Variants in ATF7 observed in about 807,000 individuals in gnomAD.
The protein encoded by ATF7 is cyclic AMP-dependent transcription factor ATF-7.
Under a neutral mutation model 50.4 loss-of-function variants are expected in ATF7, and 10 were observed. That is an observed-to-expected ratio of 0.20 (90% CI 0.12 to 0.34). The LOEUF (loss-of-function observed/expected upper bound fraction) is 0.34, where lower values mean the gene tolerates loss of function less well. ATF7 is among the 10% of genes least tolerant of loss of function. The probability of loss-of-function intolerance (pLI) is 1.00; values close to 1 mark genes in which losing one functional copy is unlikely to be tolerated. For missense variants in ATF7, 465 were observed against 613.9 expected (o/e 0.76, Z 2.56); for synonymous variants, 201 against 226.4 (o/e 0.89, Z 1.01).
intron 2 of ATF7, 25 bp from the exon 3 acceptor site, chr12:53,552,662 A>G: frequency 6.3e-7 from 1 of 1,592,710 alleles, no homozygotes. Context: ...AAATGGAGAT[A>G]TGAAAAAACA....
intron 5 of ATF7, 46 bp downstream of exon 5, chr12:53,537,369 A>G (rs1210674095): frequency 6.2e-7 from 1 of 1,606,118 alleles, no homozygotes. Context: ...AATGAATCAA[A>G]ACTTTATCAA....
At chr12:53,572,896 G>A (rs760940939) in intron 2 of ATF7, among the ~76,000 whole-genome samples, 10 of 150,334 alleles carry the variant, frequency 6.7e-5, no homozygotes, top group Non-Finnish European at 1.5e-4. Flanking sequence ...AGCAATTCTT[G>A]TGCCTCAGCC....
chr12:53,535,327 T>TAAAAAAAAAAAAAAAAA (rs1418200711), intron 5 of ATF7, among the ~76,000 whole-genome samples: 5 of 100,324 alleles, frequency 5.0e-5, no homozygotes, highest in Non-Finnish European at 8.9e-5. Flanking sequence ...AGACTCTGCC[T>TAAAAAAAAAAAAAAAAA]CAAAAAAAAA....
Position 53,512,617 on chromosome 12 carries a change from A to C in ATF7, c.*4520T>G, listed in dbSNP as rs1297671430. ...GCTTGGCTGGTCCTTACTGTAACAG[A>C]GAACATGGAGTGACCAGTCTGCAAG... On this transcript the variant is annotated 3_prime_UTR_variant, in exon 12 of 12. Transcript: ENST00000420353. 1.3e-5 allele frequency: 2 copies of C among 152,224 alleles called. No homozygotes were observed. The highest frequency in any genetic ancestry group is 2.9e-5 in the Non-Finnish European group (2 of 68,044). 9.4% of individuals were successfully genotyped at this position (152,224 alleles called of 1,614,324 possible).
chr12:53,618,057 G>T (rs1251372080), intron 1 of ATF7, among the ~76,000 whole-genome samples: 1 of 152,190 alleles, frequency 6.6e-6, no homozygotes, highest in Non-Finnish European at 1.5e-5. Context: ...GATATAAAAT[G>T]ACTCCAATGC....
chr12:53,542,744 G>A (rs939958259), intron 4 of ATF7: 12 of 228,236 alleles, frequency 5.3e-5, no homozygotes, highest in Non-Finnish European at 7.3e-5. Context: ...AAAAGTTCCC[G>A]AAGTGACATA....
chr12:53,595,206 T>C (rs760356082), intron 2 of ATF7, among the ~76,000 whole-genome samples: 2 of 152,200 alleles, frequency 1.3e-5, no homozygotes, highest in Non-Finnish European at 2.9e-5. Context: ...AAAGGCTTAT[T>C]TTTTTGCCTG....
Position 53,559,288 on chromosome 12 carries a change from C to T in ATF7, c.49-6651G>A, listed in dbSNP as rs144509634. ...TACGTTGCCCAGCTGGTCTCAAACTCGTGGGCTCAAAAGCAGTCCTCCTGC... is the reference window on the plus strand; with the variant it reads ...TACGTTGCCCAGCTGGTCTCAAACTTGTGGGCTCAAAAGCAGTCCTCCTGC... On this transcript the variant is annotated intron_variant, in intron 2 of 11. Coordinates refer to ENST00000420353, the MANE Select transcript of ATF7 (RefSeq NM_006856.3). Among the ~76,000 whole-genome samples the T allele has an allele frequency of 3.2e-4, 48 of 151,630 alleles. 1 individual carries two copies. Among genetic ancestry groups the T allele is most frequent in the African/African-American group, 1.1e-3 (47 of 41,340 alleles).
chr12:53,550,286 T>A (rs1187986984), intron 3 of ATF7, among the ~76,000 whole-genome samples: 1 of 146,480 alleles, frequency 6.8e-6, no homozygotes, highest in Middle Eastern at 3.6e-3. Flanking sequence ...ATTACGCCAC[T>A]GCACTCCAGT....
intron 6 of ATF7, 117 bp from the exon 7 acceptor site, chr12:53,533,376 T>C: frequency 2.5e-6 from 2 of 786,836 alleles, no homozygotes; most frequent in South Asian, 1.8e-5. Context: ...TAGGGCAGCA[T>C]GGTAAAAATC....
intron 2 of ATF7, among the ~76,000 whole-genome samples, chr12:53,579,243 T>TA (rs575883303): frequency 3.0e-5 from 4 of 134,788 alleles, no homozygotes; most frequent in African/African-American, 8.5e-5. Context: ...GACTCCATCT[T>TA]AAAAAAAAGG....
intron 3 of ATF7, among the ~76,000 whole-genome samples, chr12:53,550,331 A>AT (rs1555218971): frequency 5.7e-5 from 7 of 123,650 alleles, no homozygotes; most frequent in Non-Finnish European, 8.1e-5. Context: ...CTCAAAAAAA[A>AT]AAATAAATAA....
At chr12:53,607,155 T>A (rs1943651646) in intron 1 of ATF7, among the ~76,000 whole-genome samples, 1 of 152,214 alleles carries the variant, frequency 6.6e-6, no homozygotes, top group Non-Finnish European at 1.5e-5. Flanking sequence ...TCCACAATGG[T>A]TGAACTAGTT....
intron 3 of ATF7, among the ~76,000 whole-genome samples, chr12:53,550,370 T>A (rs560321223): frequency 6.8e-4 from 92 of 135,156 alleles, no homozygotes; most frequent in African/African-American, 1.6e-3. Context: ...AAATAAATAA[T>A]AAATATAAAT....
intron 2 of ATF7, among the ~76,000 whole-genome samples, chr12:53,569,854 T>G (rs540822906): frequency 2.6e-5 from 4 of 152,288 alleles, no homozygotes; most frequent in South Asian, 4.1e-4. Context: ...AACTTTTGTA[T>G]TTTTGGTAGA....
chr12:53,534,462 A>C, intron 6 of ATF7, 40 bp downstream of exon 6: 1 of 1,611,790 alleles, frequency 6.2e-7, no homozygotes, highest in Non-Finnish European at 8.5e-7. Flanking sequence ...AATGGAAAGA[A>C]ATGCAGCCTT....
At chr12:53,530,014 T>C (rs1056592138) in intron 9 of ATF7, among the ~76,000 whole-genome samples, 3 of 152,128 alleles carry the variant, frequency 2.0e-5, no homozygotes, top group Non-Finnish European at 4.4e-5. Context: ...AGTGCTGGGA[T>C]TACAGGTGTG....
downstream of ATF7, chr12:53,512,015 T>C (rs1448685405): frequency 1.3e-5 from 2 of 152,062 alleles, no homozygotes; most frequent in South Asian, 2.1e-4. Flanking sequence ...AAGGGGACAA[T>C]GGGGGCTGTG....
At chr12:53,538,775 G>C (rs1939368912) in intron 4 of ATF7, among the ~76,000 whole-genome samples, 1 of 152,146 alleles carries the variant, frequency 6.6e-6, no homozygotes, top group African/African-American at 2.4e-5. Flanking sequence ...TTGATAGCTA[G>C]CTGAGTAAAT....
Sources: allele counts gnomAD v4.1 joint callset (sites outside exome capture counted in the v4.1 genomes callset), GRCh38; gene constraint gnomAD v4.1.1; transcripts MANE v1.5; gene names NCBI Gene and HGNC (gene_info 2026-07-23, HGNC 2026-07-21).